The following PCSK5 variants were observed in gnomAD, a reference collection of about 807,000 sequenced individuals.
PCSK5 encodes prohormone convertase 5.
PCSK5 carries 129 observed loss-of-function variants against 233.2 expected under a neutral mutation model. That is an observed-to-expected ratio of 0.55 (90% CI 0.48 to 0.64). The LOEUF is 0.64. PCSK5 is among the 30% of genes least tolerant of loss of function. The probability of loss-of-function intolerance (pLI) is 0.00; values close to 1 mark genes in which losing one functional copy is unlikely to be tolerated. For missense variants in PCSK5, 2,076 were observed against 2,430.1 expected (o/e 0.85, Z 3.06); for synonymous variants, 825 against 879.2 (o/e 0.94, Z 1.09).
intron 5 of PCSK5, among the ~76,000 whole-genome samples, chr9:76,059,145 G>A (rs957173358): frequency 6.6e-6 from 1 of 152,208 alleles, no homozygotes; most frequent in Non-Finnish European, 1.5e-5. Context: ...GAAGGTTATG[G>A]GAGTCTGAAG....
chr9:76,308,383 TA>T (rs1391815094), intron 28 of PCSK5, among the ~76,000 whole-genome samples: 1 of 152,256 alleles, frequency 6.6e-6, no homozygotes, highest in Non-Finnish European at 1.5e-5. Context: ...TCTTGTAGAA[TA>T]CCACATTCCT....
chr9:76,336,538 A>T (rs1412792034), intron 34 of PCSK5, among the ~76,000 whole-genome samples: 6 of 152,198 alleles, frequency 3.9e-5, no homozygotes, highest in Non-Finnish European at 7.3e-5. Flanking sequence ...AGCGTTTAAC[A>T]GTTAAGCTCA....
intron 20 of PCSK5, among the ~76,000 whole-genome samples, chr9:76,213,106 G>A (rs1393962184): frequency 5.3e-5 from 8 of 152,164 alleles, no homozygotes; most frequent in Admixed American, 6.5e-5. Flanking sequence ...TAAGCCCCAC[G>A]GGGTTTCACC....
chr9:75,934,447 G>A (rs558696204), intron 2 of PCSK5, among the ~76,000 whole-genome samples: 71 of 152,212 alleles, frequency 4.7e-4, no homozygotes, highest in African/African-American at 1.6e-3. Flanking sequence ...TAGCCTCCGG[G>A]ATTTGGAGAC....
In PCSK5 at chr9:76,359,604, T is replaced by A. The variant is rs13287112; in HGVS notation, c.*682T>A. Reference sequence around the variant, plus strand: ...CCAGGCCCTAGTTCCTCCGCAGGAATCCAGAGTCACAACAATTCTAAAGGC... The same window carrying A: ...CCAGGCCCTAGTTCCTCCGCAGGAAACCAGAGTCACAACAATTCTAAAGGC... On this transcript the variant is annotated 3_prime_UTR_variant, in exon 38 of 38. Coordinates refer to ENST00000674117, the MANE Select transcript of PCSK5 (RefSeq NM_001372043.1). 0.11 allele frequency: 15,964 copies of A among 152,036 alleles called. 965 individuals are homozygous for A. The highest frequency in any genetic ancestry group is 0.19 in the East Asian group (986 of 5,166). The allele number at this position is 152,036 out of a possible 1,614,324, so 9.4% of individuals were successfully genotyped here.
rs1445195302 is a variant in PCSK5 at position 76,065,581 on chromosome 9, AT to A, written c.633-2370del. Among the ~76,000 whole-genome samples, 4 of 151,926 alleles carry A rather than the reference AT, an allele frequency of 2.6e-5. No individual in the cohort carries two copies. The East Asian group carries it at 7.7e-4, about 29-fold the overall frequency. Reference sequence around the variant, plus strand: ...CCCTGGTCAGACAGAGTTTGCCGGTATTTTCTCTCGTTATGTGAGTTATCTT... The same window carrying A: ...CCCTGGTCAGACAGAGTTTGCCGGTATTTCTCTCGTTATGTGAGTTATCTT... On this transcript the variant is annotated intron_variant, in intron 5 of 37. Coordinates refer to ENST00000674117, the MANE Select transcript of PCSK5 (RefSeq NM_001372043.1).
At chr9:76,060,881 A>G (rs1472020312) in intron 5 of PCSK5, among the ~76,000 whole-genome samples, 1 of 152,350 alleles carries the variant, frequency 6.6e-6, no homozygotes, top group South Asian at 2.1e-4. Context: ...CACAGTTACT[A>G]TAAATGGTCT....
At chr9:76,220,613 C>A (rs1825698667) in intron 20 of PCSK5, among the ~76,000 whole-genome samples, 1 of 149,926 alleles carries the variant, frequency 6.7e-6, no homozygotes, top group Admixed American at 6.6e-5. Flanking sequence ...GTCTTACAAC[C>A]AGCTGTTTAG....
intron 7 of PCSK5, among the ~76,000 whole-genome samples, chr9:76,074,741 T>C (rs1188138524): frequency 2.0e-5 from 3 of 152,214 alleles, no homozygotes; most frequent in African/African-American, 7.2e-5. Context: ...TGATAATGCA[T>C]ATAAAGCAAC....
intron 3 of PCSK5, among the ~76,000 whole-genome samples, chr9:75,994,764 T>A (rs1826940138): frequency 6.6e-6 from 1 of 152,094 alleles, no homozygotes; most frequent in Non-Finnish European, 1.5e-5. Flanking sequence ...AGTCTGTTCT[T>A]CATACAGCAG....
At chr9:76,122,181 TG>T (rs1368422276) in intron 9 of PCSK5, among the ~76,000 whole-genome samples, 1 of 152,134 alleles carries the variant, frequency 6.6e-6, no homozygotes, top group Non-Finnish European at 1.5e-5. Flanking sequence ...CTTATTTTCT[TG>T]GTTAAATTTT....
intron 7 of PCSK5, among the ~76,000 whole-genome samples, chr9:76,075,264 G>A (rs145963742): frequency 2.0e-5 from 3 of 151,156 alleles, no homozygotes; most frequent in East Asian, 1.9e-4. Flanking sequence ...GCAAGTCAAC[G>A]TAGCCTTCCT....
intron 12 of PCSK5, among the ~76,000 whole-genome samples, chr9:76,162,696 C>T (rs914368): frequency 0.92 from 139,648 of 151,964 alleles, 64,322 homozygotes; most frequent in East Asian, 1. Context: ...AGATTTTTTT[C>T]TTAAATAAGA....
chr9:75,903,727 T>C (rs1826154449), intron 1 of PCSK5, among the ~76,000 whole-genome samples: 1 of 151,186 alleles, frequency 6.6e-6, no homozygotes, highest in Non-Finnish European at 1.5e-5. Flanking sequence ...ACCAGATCTC[T>C]GTATATCCAT....
intron 2 of PCSK5, among the ~76,000 whole-genome samples, chr9:75,957,669 C>T (rs1437978638): frequency 6.6e-6 from 1 of 152,136 alleles, no homozygotes; most frequent in Non-Finnish European, 1.5e-5. Context: ...AGTATCTGCC[C>T]CAAAAGTTCT....
intron 3 of PCSK5, among the ~76,000 whole-genome samples, chr9:76,004,467 G>A (rs776057638): frequency 3.4e-4 from 51 of 152,210 alleles, no homozygotes; most frequent in Non-Finnish European, 5.9e-4. Flanking sequence ...GTAATTAACA[G>A]GATATCTGAG....
chr9:76,116,614 G>A lies in PCSK5; in HGVS notation c.1208+9263G>A, dbSNP rs1302577054. 9.2e-5 allele frequency among the ~76,000 whole-genome samples: 14 copies of A among 152,126 alleles called. No homozygotes were observed. In the South Asian group the frequency reaches 1.7e-3, roughly 18 times the overall value. On this transcript the variant is annotated intron_variant, in intron 9 of 37. Transcript: ENST00000674117. The stretch of plus-strand genomic sequence containing the variant: ...AAGAGATAAAATGGTGGAAAAAAAC[G>A]GCAGTCAGCCTTCAATGAATGCTTT...
intron 24 of PCSK5, among the ~76,000 whole-genome samples, chr9:76,275,073 G>A (rs192241204): frequency 1.8e-3 from 277 of 152,100 alleles, no homozygotes; most frequent in African/African-American, 5.9e-3. Flanking sequence ...CCTCTCATTA[G>A]GTCCTGCCTC....
intron 9 of PCSK5, among the ~76,000 whole-genome samples, chr9:76,127,984 G>A (rs563797857): frequency 2.0e-5 from 3 of 152,242 alleles, no homozygotes; most frequent in East Asian, 3.9e-4. Context: ...CACCATTCTC[G>A]TGTGATTAAG....
Sources: allele counts gnomAD v4.1 joint callset (sites outside exome capture counted in the v4.1 genomes callset), GRCh38; gene constraint gnomAD v4.1.1; transcripts MANE v1.5; gene names NCBI Gene and HGNC (gene_info 2026-07-23, HGNC 2026-07-21).